CD80: variants seen among roughly 807,000 people sequenced by gnomAD.
The protein encoded by CD80 is T-lymphocyte activation antigen CD80.
A neutral mutation model predicts 27.1 loss-of-function variants in CD80; 13 were observed. The observed-to-expected ratio is 0.48, with a 90% CI of 0.31 to 0.76. CD80 has a LOEUF of 0.76. CD80 is among the 30% of genes least tolerant of loss of function. The pLI is 0.04. For missense variants in CD80, 277 were observed against 347.9 expected, an observed-to-expected ratio of 0.80 and a Z score of 1.62; for synonymous variants, 125 against 125.5, an observed-to-expected ratio of 1.00 and a Z score of 0.03.
intron 4 of CD80, among the ~76,000 whole-genome samples, chr3:119,531,707 A>G (rs2082112851): frequency 6.6e-6 from 1 of 152,036 alleles, no homozygotes; most frequent in African/African-American, 2.4e-5. Context: ...TTCCCAGGCC[A>G]GGCTGGAGTG....
In CD80 at chr3:119,524,641, T is replaced by G. The variant is rs2082053815; in HGVS notation, c.*1147A>C. 1 of 152,234 alleles carries G rather than the reference T, an allele frequency of 6.6e-6. No homozygotes were observed. Among genetic ancestry groups the G allele is most frequent in the Non-Finnish European group, 1.5e-5 (1 of 68,048 alleles). The allele number at this position is 152,234 out of a possible 1,614,324, so 9.4% of individuals were successfully genotyped here. ...AGATGTGCATTTGAGAAATGTTGTC[T>G]TCTTTTGCTGTTCAACTCCAGATTT... On this transcript the variant is annotated 3_prime_UTR_variant, in exon 7 of 7. Transcript: ENST00000264246.
intron 5 of CD80, among the ~76,000 whole-genome samples, chr3:119,529,266 G>C (rs2082096859): frequency 6.6e-6 from 1 of 152,138 alleles, no homozygotes; most frequent in African/African-American, 2.4e-5. Context: ...CTGAGAATTG[G>C]TGAGATCACC....
intron 6 of CD80, among the ~76,000 whole-genome samples, chr3:119,526,091 TTATTACCAGC>T (rs538122714): frequency 1.9e-3 from 287 of 152,222 alleles, no homozygotes; most frequent in African/African-American, 5.1e-3. Flanking sequence ...AAATGTTTAG[TTATTACCAGC>T]TATTACCAAA....
intron 3 of CD80, 22 bp from the exon 4 acceptor site, chr3:119,537,440 A>G (rs1205093075): frequency 6.8e-7 from 1 of 1,480,028 alleles, no homozygotes; most frequent in South Asian, 1.1e-5. Context: ...ACAAGAATAT[A>G]TAATTACGTA....
chr3:119,530,019 A>G, intron 4 of CD80, 82 bp from the exon 5 acceptor site: 1 of 968,502 alleles, frequency 1.0e-6, no homozygotes, highest in Non-Finnish European at 1.6e-6. Context: ...TATTGATGCA[A>G]CTGTGGAGTA....
chr3:119,557,975 A>C, intron 1 of CD80, 47 bp from the exon 2 acceptor site: 1 of 317,804 alleles, frequency 3.1e-6, no homozygotes, highest in South Asian at 1.0e-4. Flanking sequence ...AGGTGTGCCT[A>C]CTTTGAGTTG....
At chr3:119,537,596 G>A (rs2082146342) in intron 3 of CD80, among the ~76,000 whole-genome samples, 178 bp from the exon 4 acceptor site, 1 of 152,198 alleles carries the variant, frequency 6.6e-6, no homozygotes, top group Non-Finnish European at 1.5e-5. Flanking sequence ...GAGGTCAGGA[G>A]TTTGAGACCA....
At position 119,537,406 on chromosome 3, in the gene CD80, G is replaced by A. The variant is rs1400058733; in HGVS notation, c.431C>T (p.Thr144Ile). The A allele has an allele frequency of 1.9e-6, 3 of 1,602,286 alleles. No homozygotes were observed. The African/African-American group carries it at 4.0e-5, about 21-fold the overall frequency. ...VTLSVKADFP[T>I]PSISDFEIPT... ...AATTTCAAAGTCAGATATACTAGGT[G>A]TAGGGAAGTCAGCTAAAGAAAGAAC... Residue 144 changes from threonine to isoleucine, a missense_variant, in exon 4 of 7, where the codon ACA becomes ATA. Coordinates refer to ENST00000264246, the MANE Select transcript of CD80 (RefSeq NM_005191.4).
At chr3:119,531,161 CCTT>C (rs1224904534) in intron 4 of CD80, among the ~76,000 whole-genome samples, 1 of 152,272 alleles carries the variant, frequency 6.6e-6, no homozygotes, top group Non-Finnish European at 1.5e-5. Context: ...ATAGATTTCA[CCTT>C]CTTTTTCAGT....
At chr3:119,543,571 C>T (rs924403378) in intron 3 of CD80, among the ~76,000 whole-genome samples, 81 of 151,450 alleles carry the variant, frequency 5.3e-4, no homozygotes, top group African/African-American at 1.8e-3. Flanking sequence ...ATTCTCCTGC[C>T]TCAGCCTCCT....
intron 2 of CD80, among the ~76,000 whole-genome samples, chr3:119,545,953 A>AT (rs1473644143): frequency 6.6e-6 from 1 of 152,226 alleles, no homozygotes; most frequent in African/African-American, 2.4e-5. Flanking sequence ...TAGCAGTTGC[A>AT]CCCGCAATGC....
At chr3:119,527,566 A>G (rs988374939) in intron 6 of CD80, 167 bp downstream of exon 6, 5 of 519,956 alleles carry the variant, frequency 9.6e-6, no homozygotes, top group African/African-American at 7.7e-5. Flanking sequence ...CAAATTGCAT[A>G]TGGGGAGAAA....
In CD80 at chr3:119,537,311, A is replaced by G. The variant is rs747924548; in HGVS notation, c.526T>C (p.Leu176=). The change falls in exon 4 of 7, where the codon TTG becomes CTG. Residue 176 remains leucine, a synonymous_variant. Transcript: ENST00000264246. ...GCATTTAATTCTTCTCCATTTTCCA[A>G]CCAGGAGAGGTGAGGCTCTGGAAAA... The part of the protein sequence containing the change: ...GGFPEPHLSW[L]ENGEELNAIN... 2.5e-6 allele frequency: 4 copies of G among 1,614,084 alleles called. No homozygotes were observed. In the South Asian group the frequency reaches 4.4e-5, roughly 18 times the overall value.
At position 119,544,593 on chromosome 3, in the gene CD80, A is replaced by T. The variant is rs749569459; in HGVS notation, c.375T>A (p.Ala125=). Residue 125 remains alanine, a synonymous_variant, in exon 3 of 7, where the codon GCT becomes GCA. Coordinates refer to ENST00000264246, the MANE Select transcript of CD80 (RefSeq NM_005191.4). ...CTTCAGCCAGGTGTTCCCGCTTGAA[A>T]GCGTCTTTTTCATACTTCAGAACAA... ...ECVVLKYEKD[A]FKREHLAEVT... 2 of 1,614,128 alleles carry T rather than the reference A, an allele frequency of 1.2e-6. No individual in the cohort carries two copies. The highest frequency in any genetic ancestry group is 1.7e-6 in the Non-Finnish European group (2 of 1,179,990).
rs748224407 is a variant in CD80, at chr3:119,544,681, G to A, written c.287C>T (p.Thr96Ile). ...EYKNRTIFDI[T>I]NNLSIVILAL... Reference sequence around the variant, plus strand: ...CAGGATCACAATGGAGAGGTTATTAGTGATATCAAAGATGGTCCGGTTCTT... The same window carrying A: ...CAGGATCACAATGGAGAGGTTATTAATGATATCAAAGATGGTCCGGTTCTT... Residue 96 changes from threonine (T) to isoleucine (I), a missense_variant, in exon 3 of 7, where the codon ACT becomes ATT. Coordinates refer to ENST00000264246, the MANE Select transcript of CD80 (RefSeq NM_005191.4). 3.7e-6 allele frequency: 6 copies of A among 1,614,188 alleles called. No individual in the cohort carries two copies. The highest frequency in any genetic ancestry group is 1.1e-5 in the South Asian group (1 of 91,084).
intron 6 of CD80, among the ~76,000 whole-genome samples, chr3:119,526,289 AGAT>A (rs754470440): frequency 6.6e-6 from 1 of 152,206 alleles, no homozygotes; most frequent in Non-Finnish European, 1.5e-5. Flanking sequence ...GAGCTAGACA[AGAT>A]GACCACAGAA....
chr3:119,559,540 A>C lies in CD80; in HGVS notation c.-301T>G, dbSNP rs963373408. On this transcript the variant is annotated 5_prime_UTR_variant, in exon 1 of 7. It adds an upstream start codon to the 5' untranslated region. Coordinates refer to ENST00000264246, the MANE Select transcript of CD80 (RefSeq NM_005191.4). ...TCTTACAGTCTATAAAGCAATGACA[A>C]ATCACTTTTTCTTTGGGTAATCTTC... 7.2e-5 allele frequency: 11 copies of C among 152,240 alleles called. No individual in the cohort carries two copies. The highest frequency in any genetic ancestry group is 2.7e-4 in the African/African-American group (11 of 41,458). 9.4% of individuals were successfully genotyped at this position (152,240 alleles called of 1,614,324 possible).
At chr3:119,540,594 C>T (rs1385041435) in intron 3 of CD80, among the ~76,000 whole-genome samples, 1 of 152,076 alleles carries the variant, frequency 6.6e-6, no homozygotes, top group Non-Finnish European at 1.5e-5. Flanking sequence ...CTAGAATATT[C>T]TGTGTTTCTT....
rs895447298 is a variant in CD80, at chr3:119,544,776, G to A, written c.192C>T (p.Ile64=). 1 of 1,614,196 alleles carries A rather than the reference G, an allele frequency of 6.2e-7. No homozygotes were observed. Among genetic ancestry groups the A allele is most frequent in the Non-Finnish European group, 8.5e-7 (1 of 1,180,034 alleles). Reference sequence around the variant, plus strand: ...CCATTTTCTTCTCCTTTTGCCAGTAGATGCGAGTTTGTGCCAGCTCTTCAA... The same window carrying A: ...CCATTTTCTTCTCCTTTTGCCAGTAAATGCGAGTTTGTGCCAGCTCTTCAA... ...VSVEELAQTR[I]YWQKEKKMVL... is the part of the protein sequence containing the mutation. Residue 64 remains isoleucine (I), a synonymous_variant, in exon 3 of 7, where the codon ATC becomes ATT. Transcript: ENST00000264246.
Sources: allele counts gnomAD v4.1 joint callset (sites outside exome capture counted in the v4.1 genomes callset), GRCh38; gene constraint gnomAD v4.1.1; transcripts MANE v1.5; gene names NCBI Gene and HGNC (gene_info 2026-07-23, HGNC 2026-07-21).